NAALADL2: variants seen among roughly 807,000 people sequenced by gnomAD.
The protein encoded by NAALADL2 is inactive N-acetylated-alpha-linked acidic dipeptidase-like protein 2.
A neutral mutation model predicts 87.2 loss-of-function variants in NAALADL2; 76 were observed. The ratio of observed to expected loss-of-function variants is 0.87; its 90% CI spans 0.72 to 1.05. The LOEUF (loss-of-function observed/expected upper bound fraction) is 1.05, where lower values mean the gene tolerates loss of function less well. Among genes scored for constraint, NAALADL2 ranks in the 50% least tolerant of loss-of-function variants. The pLI is 0.00. For missense variants in NAALADL2, 1,089 were observed against 945.8 expected, an observed-to-expected ratio of 1.15 and a Z score of -1.99; for synonymous variants, 354 against 331.0, an observed-to-expected ratio of 1.07 and a Z score of -0.75.
At chr3:175,610,351 A>G (rs1441920578) in intron 10 of NAALADL2, among the ~76,000 whole-genome samples, 2 of 152,006 alleles carry the variant, frequency 1.3e-5, no homozygotes, top group East Asian at 1.9e-4. Flanking sequence ...AATGTCAATG[A>G]CTGTGTTTTT....
intron 10 of NAALADL2, among the ~76,000 whole-genome samples, chr3:175,602,524 CATT>C (rs1723117930): frequency 6.6e-6 from 1 of 151,768 alleles, no homozygotes; most frequent in Admixed American, 6.6e-5. Flanking sequence ...AACACACACA[CATT>C]ATTTTTAGCT....
chr3:175,048,231 T>C (rs776424011), intron 1 of NAALADL2, among the ~76,000 whole-genome samples: 1 of 152,196 alleles, frequency 6.6e-6, no homozygotes, highest in Non-Finnish European at 1.5e-5. Flanking sequence ...TGAGGGATTA[T>C]CTGCCAGGAA....
intron 1 of NAALADL2, among the ~76,000 whole-genome samples, chr3:174,525,713 T>C (rs889011858): frequency 6.6e-6 from 1 of 152,238 alleles, no homozygotes; most frequent in Non-Finnish European, 1.5e-5. Flanking sequence ...TATAGACAAG[T>C]CTTTCAGATG....
At chr3:175,065,462 T>G (rs1306485614) in intron 1 of NAALADL2, among the ~76,000 whole-genome samples, 1 of 152,214 alleles carries the variant, frequency 6.6e-6, no homozygotes, top group Non-Finnish European at 1.5e-5. Flanking sequence ...TAGATAGCTA[T>G]GACCAGATTT....
At chr3:175,431,991 G>A (rs143993241) in intron 5 of NAALADL2, among the ~76,000 whole-genome samples, 1 of 151,662 alleles carries the variant, frequency 6.6e-6, no homozygotes, top group African/African-American at 2.4e-5. Context: ...TTTCTGTGTC[G>A]AGACATCCTA....
At chr3:175,041,632 C>T (rs1019376980) in intron 1 of NAALADL2, among the ~76,000 whole-genome samples, 1 of 152,140 alleles carries the variant, frequency 6.6e-6, no homozygotes, top group Non-Finnish European at 1.5e-5. Flanking sequence ...CATGTTTATA[C>T]AATGACACTG....
intron 9 of NAALADL2, among the ~76,000 whole-genome samples, chr3:175,513,540 C>T (rs913621394): frequency 9.9e-5 from 15 of 152,070 alleles, no homozygotes; most frequent in African/African-American, 3.4e-4. Flanking sequence ...TACTATGGAG[C>T]GATCCAACCT....
chr3:175,795,027 C>T (rs1262037240), intron 13 of NAALADL2, among the ~76,000 whole-genome samples: 2 of 152,116 alleles, frequency 1.3e-5, no homozygotes, highest in African/African-American at 2.4e-5. Context: ...GTACCTCTTC[C>T]TCTTCATATA....
At chr3:174,966,257 T>G (rs1305471669) in intron 1 of NAALADL2, among the ~76,000 whole-genome samples, 2 of 152,144 alleles carry the variant, frequency 1.3e-5, no homozygotes, top group Non-Finnish European at 2.9e-5. Flanking sequence ...ACTTAGATTT[T>G]CTCCCTCGGC....
chr3:175,697,281 C>G (rs1737935449), intron 11 of NAALADL2, among the ~76,000 whole-genome samples: 1 of 151,916 alleles, frequency 6.6e-6, no homozygotes, highest in Admixed American at 6.6e-5. Flanking sequence ...TCTTCTCATG[C>G]CTTAGGGGAG....
chr3:175,080,000 T>C (rs940819700), intron 1 of NAALADL2, among the ~76,000 whole-genome samples: 2 of 151,828 alleles, frequency 1.3e-5, no homozygotes, highest in African/African-American at 4.8e-5. Context: ...GAGTCTCTCT[T>C]TGTCACCCAG....
intron 2 of NAALADL2, among the ~76,000 whole-genome samples, chr3:175,122,525 A>C (rs1386358671): frequency 2.0e-5 from 3 of 151,898 alleles, no homozygotes; most frequent in Non-Finnish European, 4.4e-5. Flanking sequence ...ACTTATTGGC[A>C]TATCATTAGG....
chr3:175,304,064 A>G (rs1373190087), intron 4 of NAALADL2, among the ~76,000 whole-genome samples: 1 of 152,160 alleles, frequency 6.6e-6, no homozygotes, highest in Non-Finnish European at 1.5e-5. Context: ...TATACAACCA[A>G]ATCCAAATGT....
At chr3:174,780,743 G>T (rs1715862793) in intron 3 of NAALADL2, among the ~76,000 whole-genome samples, 1 of 151,762 alleles carries the variant, frequency 6.6e-6, no homozygotes, top group Non-Finnish European at 1.5e-5. Context: ...AGATAATCAT[G>T]TTTTTTTTGT....
intron 4 of NAALADL2, among the ~76,000 whole-genome samples, chr3:175,303,867 C>A (rs1405503964): frequency 6.6e-6 from 1 of 152,178 alleles, no homozygotes; most frequent in Admixed American, 6.5e-5. Flanking sequence ...TACTAGAGTC[C>A]TTTCTAGAAG....
chr3:175,154,631 T>C (rs1342744422), intron 2 of NAALADL2, among the ~76,000 whole-genome samples: 1 of 151,694 alleles, frequency 6.6e-6, no homozygotes, highest in Non-Finnish European at 1.5e-5. Flanking sequence ...TATCACAGGT[T>C]TTTAAAGCCA....
At chr3:174,698,200 T>A (rs2108873128) in intron 2 of NAALADL2, among the ~76,000 whole-genome samples, 1 of 151,650 alleles carries the variant, frequency 6.6e-6, no homozygotes, top group East Asian at 2.0e-4. Context: ...AGTTTAATAC[T>A]AGAAAAATAT....
intron 1 of NAALADL2, among the ~76,000 whole-genome samples, chr3:174,861,375 T>C (rs1006924479): frequency 6.6e-6 from 1 of 152,092 alleles, no homozygotes; most frequent in Non-Finnish European, 1.5e-5. Flanking sequence ...CATTTTTCTG[T>C]TGTCTGTGAT....
intron 2 of NAALADL2, among the ~76,000 whole-genome samples, chr3:175,203,801 G>A (rs1263590801): frequency 2.0e-5 from 3 of 152,124 alleles, no homozygotes; most frequent in Non-Finnish European, 2.9e-5. Flanking sequence ...GATCATTCAA[G>A]GCTACTATGA....
Sources: allele counts gnomAD v4.1 joint callset (sites outside exome capture counted in the v4.1 genomes callset), GRCh38; gene constraint gnomAD v4.1.1; transcripts MANE v1.5; gene names NCBI Gene and HGNC (gene_info 2026-07-23, HGNC 2026-07-21).